Variants in PDE8B observed in about 807,000 individuals in gnomAD.
The protein encoded by PDE8B is high affinity cAMP-specific and IBMX-insensitive 3',5'-cyclic phosphodiesterase 8B.
A neutral mutation model predicts 101.3 loss-of-function variants in PDE8B; 26 were observed. The ratio of observed to expected loss-of-function variants is 0.26; its 90% CI spans 0.19 to 0.36. The LOEUF is 0.36. PDE8B is among the 10% of genes least tolerant of loss of function. The pLI is 1.00. For missense variants in PDE8B, 810 were observed against 1,163.1 expected (o/e 0.70, Z 4.42); for synonymous variants, 424 against 429.3 (o/e 0.99, Z 0.15).
intron 2 of PDE8B, among the ~76,000 whole-genome samples, chr5:77,315,512 T>G (rs767275890): frequency 6.6e-6 from 1 of 152,194 alleles, no homozygotes; most frequent in African/African-American, 2.4e-5. Flanking sequence ...GTTTTTAGAT[T>G]AATACTCCAC....
At chr5:77,219,123 T>G (rs1210032253) in intron 1 of PDE8B, among the ~76,000 whole-genome samples, 1 of 152,222 alleles carries the variant, frequency 6.6e-6, no homozygotes, top group Non-Finnish European at 1.5e-5. Context: ...GGTCAAGGCC[T>G]TGGTGTTATC....
At chr5:77,180,378 G>A in the PDE8B span, 6 of 912,516 alleles carry the variant, frequency 6.6e-6, no homozygotes, top group Non-Finnish European at 7.9e-6. Context: ...GCGCCAGGCC[G>A]GTGCCCTCTG....
chr5:77,166,814 G>C, the PDE8B span: 1 of 152,190 alleles, frequency 6.6e-6, no homozygotes, highest in Non-Finnish European at 1.5e-5. Flanking sequence ...CTCTGAGGTA[G>C]GCAACTTTGT....
intron 1 of PDE8B, among the ~76,000 whole-genome samples, chr5:77,222,560 G>A (rs758527198): frequency 6.6e-6 from 1 of 152,118 alleles, no homozygotes; most frequent in Admixed American, 6.5e-5. Context: ...AGGCAGCCTG[G>A]GTGACAGAGT....
Position 77,311,988 on chromosome 5 carries a change from A to G in PDE8B, c.340-6A>G. 2 of 1,612,134 alleles carry G rather than the reference A, an allele frequency of 1.2e-6. No homozygotes were observed. Among genetic ancestry groups the G allele is most frequent in the Non-Finnish European group, 1.7e-6 (2 of 1,178,486 alleles). On this transcript the variant is annotated splice_polypyrimidine_tract_variant and splice_region_variant and intron_variant, in intron 1 of 21. Coordinates refer to ENST00000264917, the MANE Select transcript of PDE8B (RefSeq NM_003719.5). ...TGACGCTTCTCTTGTGCTGTCCTTT[A>G]TTTAGCAGGTGTCTTCTGCGGAGGT...
At chr5:77,154,384 A>G in the PDE8B span, among the ~76,000 whole-genome samples, 1 of 152,270 alleles carries the variant, frequency 6.6e-6, no homozygotes, top group African/African-American at 2.4e-5. Flanking sequence ...ATTGCCTAGC[A>G]TGGCGCTTGG....
intron 1 of PDE8B, among the ~76,000 whole-genome samples, chr5:77,247,153 T>C (rs1194913972): frequency 6.6e-6 from 1 of 152,188 alleles, no homozygotes; most frequent in Non-Finnish European, 1.5e-5. Flanking sequence ...CCTCAGCCAC[T>C]CTGGATGGCA....
chr5:77,423,104 A>G (rs1238486867), intron 20 of PDE8B, among the ~76,000 whole-genome samples: 3 of 152,222 alleles, frequency 2.0e-5, no homozygotes, highest in African/African-American at 7.2e-5. Context: ...AAGAAAGAAC[A>G]TGTAGTATCT....
chr5:77,156,595 T>C, the PDE8B span, among the ~76,000 whole-genome samples: 2 of 152,164 alleles, frequency 1.3e-5, no homozygotes, highest in Admixed American at 6.5e-5. Flanking sequence ...CCTGTGGAAC[T>C]CCACAATCTA....
chr5:77,412,710 T>C (rs2151102699), intron 16 of PDE8B, among the ~76,000 whole-genome samples: 1 of 151,844 alleles, frequency 6.6e-6, no homozygotes, highest in East Asian at 2.0e-4. Context: ...AACAGGACTC[T>C]AAATGATAGG....
chr5:77,103,348 A>G, the PDE8B span, among the ~76,000 whole-genome samples: 1,434 of 152,342 alleles, frequency 9.4e-3, 8 homozygotes, highest in Non-Finnish European at 0.016. Context: ...ATTTACTAGT[A>G]TGATATGCAG....
At chr5:77,392,284 C>T (rs1790104921) in intron 10 of PDE8B, among the ~76,000 whole-genome samples, 1 of 152,068 alleles carries the variant, frequency 6.6e-6, no homozygotes, top group Non-Finnish European at 1.5e-5. Context: ...GCAGACCTAC[C>T]CCCCAAAGTC....
chr5:77,387,569 C>T (rs953817989), intron 10 of PDE8B, among the ~76,000 whole-genome samples: 6 of 152,088 alleles, frequency 3.9e-5, no homozygotes, highest in African/African-American at 1.4e-4. Flanking sequence ...TTGCTCTTCT[C>T]GAGGAGTATC....
chr5:77,225,788 A>T, intron 1 of PDE8B, among the ~76,000 whole-genome samples: 1 of 152,012 alleles, frequency 6.6e-6, no homozygotes, highest in African/African-American at 2.4e-5. Context: ...CCCATGACAT[A>T]AATCCTGGTT....
intron 1 of PDE8B, chr5:77,290,201 C>T (rs549052507): frequency 7.9e-5 from 121 of 1,533,770 alleles, no homozygotes; most frequent in Middle Eastern, 1.7e-4. Context: ...GCCTGCCTCG[C>T]GCACTGTGTG....
chr5:77,419,317 A>C (rs1796167253), intron 18 of PDE8B, among the ~76,000 whole-genome samples: 1 of 152,174 alleles, frequency 6.6e-6, no homozygotes, highest in Non-Finnish European at 1.5e-5. Context: ...ATTACTTATT[A>C]ACAGGAAAGT....
intron 1 of PDE8B, among the ~76,000 whole-genome samples, chr5:77,299,601 C>A (rs935903648): frequency 3.3e-5 from 5 of 151,924 alleles, no homozygotes; most frequent in African/African-American, 1.2e-4. Context: ...AGGACATGAA[C>A]TCTTCATTTT....
chr5:77,222,183 C>A (rs972133217), intron 1 of PDE8B, among the ~76,000 whole-genome samples: 49 of 152,192 alleles, frequency 3.2e-4, no homozygotes, highest in African/African-American at 1.2e-3. Context: ...CATGATTTCT[C>A]CTTGCACGGT....
intron 10 of PDE8B, among the ~76,000 whole-genome samples, chr5:77,379,312 GA>G (rs540729957): frequency 2.8e-4 from 42 of 152,190 alleles, no homozygotes; most frequent in African/African-American, 8.4e-4. Flanking sequence ...TGATCTGGGG[GA>G]AAAAAACAGC....
Sources: allele counts gnomAD v4.1 joint callset (sites outside exome capture counted in the v4.1 genomes callset), GRCh38; gene constraint gnomAD v4.1.1; transcripts MANE v1.5; gene names NCBI Gene and HGNC (gene_info 2026-07-23, HGNC 2026-07-21).